AUTS2: variants seen among roughly 807,000 people sequenced by gnomAD.
The protein encoded by AUTS2 is activator of transcription and developmental regulator AUTS2.
A neutral mutation model predicts 112.4 loss-of-function variants in AUTS2; 17 were observed. The ratio of observed to expected loss-of-function variants is 0.15; its 90% CI spans 0.10 to 0.23. The LOEUF is 0.23. Ranked by LOEUF, AUTS2 falls within the 10% of genes least tolerant of loss-of-function variation. The pLI is 1.00. For missense variants in AUTS2, 1,510 were observed against 1,701.6 expected, an observed-to-expected ratio of 0.89 and a Z score of 1.98; for synonymous variants, 751 against 702.7, an observed-to-expected ratio of 1.07 and a Z score of -1.09.
rs144825985 is a variant in AUTS2 at position 69,655,385 on chromosome 7, TTTGTTGTTG to T, written c.309+55438_309+55446del. Among the ~76,000 whole-genome samples the T allele has an allele frequency of 2.7e-3, 409 of 151,502 alleles. 1 individual carries two copies. The highest frequency in any genetic ancestry group is 0.01 in the Middle Eastern group (3 of 292). ...AAACAATTACCTGACTTTCTAGTTT[TTTGTTGTTG>T]TTGTTGTTGTTGTTTTTAATTTACT... On this transcript the variant is annotated intron_variant, in intron 1 of 18. Transcript: ENST00000342771.
chr7:70,178,849 G>T (rs752680868), intron 4 of AUTS2, among the ~76,000 whole-genome samples: 11 of 152,264 alleles, frequency 7.2e-5, no homozygotes, highest in South Asian at 6.2e-4. Context: ...AATCTCCATT[G>T]TTATATGACA....
Position 70,176,890 on chromosome 7 carries a change from G to A in AUTS2, c.660+42319G>A, listed in dbSNP as rs777090447. The stretch of plus-strand genomic sequence containing the variant: ...TGCTTTGATCTCAGATCATACCCTG[G>A]AAGTTGTGTTTTAATAAGTAAATTT... On this transcript the variant is annotated intron_variant, in intron 4 of 18. Coordinates refer to ENST00000342771, the MANE Select transcript of AUTS2 (RefSeq NM_015570.4). Among the ~76,000 whole-genome samples the A allele has an allele frequency of 1.2e-3, 180 of 152,210 alleles. 1 individual carries two copies. Among genetic ancestry groups the A allele is most frequent in the Non-Finnish European group, 2.3e-3 (158 of 68,010 alleles).
chr7:70,502,116 C>A (rs73450507), intron 5 of AUTS2, among the ~76,000 whole-genome samples: 1 of 152,270 alleles, frequency 6.6e-6, no homozygotes, highest in Admixed American at 6.5e-5. Flanking sequence ...AATGGAAGCA[C>A]CTCCGTGACT....
At chr7:70,440,065 T>A (rs1796064218) in intron 5 of AUTS2, among the ~76,000 whole-genome samples, 1 of 151,900 alleles carries the variant, frequency 6.6e-6, no homozygotes, top group African/African-American at 2.4e-5. Flanking sequence ...CAGCTCTACA[T>A]ATAGTCCTGT....
intron 1 of AUTS2, among the ~76,000 whole-genome samples, chr7:69,671,347 A>T (rs754594043): frequency 1.3e-5 from 2 of 152,166 alleles, no homozygotes; most frequent in African/African-American, 4.8e-5. Flanking sequence ...GGTAATAAAC[A>T]CTTACTCAGC....
intron 1 of AUTS2, among the ~76,000 whole-genome samples, chr7:69,631,746 TA>T (rs1794253960): frequency 6.6e-6 from 1 of 152,236 alleles, no homozygotes; most frequent in Non-Finnish European, 1.5e-5. Context: ...CTTTATCTTC[TA>T]AAATCCCCAA....
At chr7:70,139,553 A>T (rs1806746550) in intron 4 of AUTS2, among the ~76,000 whole-genome samples, 1 of 152,194 alleles carries the variant, frequency 6.6e-6, no homozygotes, top group African/African-American at 2.4e-5. Flanking sequence ...GCCACTTTTA[A>T]ATATTTCTGA....
intron 2 of AUTS2, among the ~76,000 whole-genome samples, chr7:70,009,072 GT>G (rs1254487512): frequency 1.3e-5 from 2 of 152,264 alleles, no homozygotes; most frequent in East Asian, 3.9e-4. Flanking sequence ...GTGGCTCATG[GT>G]TTTGGAGGCT....
At chr7:69,865,103 G>GTTT (rs796779159) in intron 1 of AUTS2, among the ~76,000 whole-genome samples, 1 of 139,884 alleles carries the variant, frequency 7.1e-6, no homozygotes, top group African/African-American at 2.6e-5. Context: ...AGGATGGTAG[G>GTTT]TTTTTTTTTT....
chr7:70,286,713 T>A (rs1788477241), intron 4 of AUTS2, among the ~76,000 whole-genome samples: 1 of 152,170 alleles, frequency 6.6e-6, no homozygotes, highest in South Asian at 2.1e-4. Flanking sequence ...GAGTGGTAGA[T>A]CCTAAAGTAG....
intron 1 of AUTS2, among the ~76,000 whole-genome samples, chr7:69,752,208 G>A (rs1429750527): frequency 6.6e-6 from 1 of 152,214 alleles, no homozygotes; most frequent in Non-Finnish European, 1.5e-5. Flanking sequence ...GGGAGAGTCA[G>A]TGGGCTGGGG....
intron 6 of AUTS2, among the ~76,000 whole-genome samples, chr7:70,721,313 T>TGTGTGTGTGTGTG (rs1563151700): frequency 2.1e-4 from 32 of 151,234 alleles, no homozygotes; most frequent in East Asian, 9.8e-4. Context: ...TGTGTGTGTG[T>TGTGTGTGTGTGTG]TTCCGATGGA....
At chr7:70,458,898 C>T (rs777237555) in intron 5 of AUTS2, among the ~76,000 whole-genome samples, 2 of 152,190 alleles carry the variant, frequency 1.3e-5, no homozygotes, top group Non-Finnish European at 2.9e-5. Context: ...TCCATCCACA[C>T]GGGAGACACT....
intron 4 of AUTS2, among the ~76,000 whole-genome samples, chr7:70,283,268 G>C (rs1441534488): frequency 6.6e-6 from 1 of 152,114 alleles, no homozygotes; most frequent in African/African-American, 2.4e-5. Context: ...TGAAAGGAAG[G>C]GTTAATAGCA....
chr7:70,276,002 T>C (rs1787909635), intron 4 of AUTS2, among the ~76,000 whole-genome samples: 1 of 152,308 alleles, frequency 6.6e-6, no homozygotes, highest in East Asian at 1.9e-4. Flanking sequence ...TTCTGGCAAT[T>C]AGTATGTCTG....
chr7:70,662,614 AAAT>A (rs1468338470), intron 5 of AUTS2, among the ~76,000 whole-genome samples: 1 of 152,190 alleles, frequency 6.6e-6, no homozygotes, highest in African/African-American at 2.4e-5. Flanking sequence ...CCAAATGAGG[AAAT>A]AATAATGTCA....
intron 6 of AUTS2, among the ~76,000 whole-genome samples, chr7:70,744,258 A>G (rs995249389): frequency 6.6e-6 from 1 of 152,176 alleles, no homozygotes; most frequent in Non-Finnish European, 1.5e-5. Flanking sequence ...CTCATTAACA[A>G]TGGGTTTTCC....
chr7:69,794,313 T>G (rs1038468869), intron 1 of AUTS2, among the ~76,000 whole-genome samples: 3 of 152,122 alleles, frequency 2.0e-5, no homozygotes, highest in African/African-American at 7.2e-5. Flanking sequence ...AAAGGTAATT[T>G]AGGGTCAGAA....
chr7:70,222,137 A>T (rs1811519603), intron 4 of AUTS2, among the ~76,000 whole-genome samples: 1 of 152,230 alleles, frequency 6.6e-6, no homozygotes, highest in African/African-American at 2.4e-5. Flanking sequence ...TTAGTCTATT[A>T]TGCTCCAGCA....
Sources: allele counts gnomAD v4.1 joint callset (sites outside exome capture counted in the v4.1 genomes callset), GRCh38; gene constraint gnomAD v4.1.1; transcripts MANE v1.5; gene names NCBI Gene and HGNC (gene_info 2026-07-23, HGNC 2026-07-21).